Variants in NRXN3 observed in about 807,000 individuals in gnomAD.
NRXN3 encodes the protein neurexin III.
Under a neutral mutation model 137.6 loss-of-function variants are expected in NRXN3, and 32 were observed. The observed-to-expected ratio is 0.23, with a 90% CI of 0.18 to 0.31. NRXN3 has a LOEUF of 0.31. Ranked by LOEUF, NRXN3 falls within the 10% of genes least tolerant of loss-of-function variation. The pLI, the probability that NRXN3 is intolerant of heterozygous loss-of-function variation, is 1.00. For missense variants in NRXN3, 1,574 were observed against 2,062.5 expected, an observed-to-expected ratio of 0.76 and a Z score of 4.59; for synonymous variants, 798 against 784.5, an observed-to-expected ratio of 1.02 and a Z score of -0.29.
chr14:79,412,807 A>AG (rs1156627149), intron 15 of NRXN3, among the ~76,000 whole-genome samples: 1 of 142,566 alleles, frequency 7.0e-6, no homozygotes, highest in Admixed American at 7.1e-5. Context: ...AAAAAAAAAA[A>AG]GGCTGAGATC....
In NRXN3 at chr14:78,819,453, G is replaced by A. The variant is rs10131263; in HGVS notation, c.2275+9109G>A. ...TGTTAAATATTATAAGTAATTTAGAGATTAGAGTATAGGAGGATGTACATA... is the reference window on the plus strand; with the variant it reads ...TGTTAAATATTATAAGTAATTTAGAAATTAGAGTATAGGAGGATGTACATA... On this transcript the variant is annotated intron_variant, in intron 10 of 20. Coordinates refer to ENST00000335750, the MANE Select transcript of NRXN3 (RefSeq NM_001330195.2). Among the ~76,000 whole-genome samples the A allele has an allele frequency of 3.7e-3, 565 of 152,244 alleles. 5 individuals carry two copies. The highest frequency in any genetic ancestry group is 0.013 in the African/African-American group (542 of 41,558).
intron 4 of NRXN3, among the ~76,000 whole-genome samples, chr14:78,625,679 G>C (rs2097450936): frequency 6.6e-6 from 1 of 152,176 alleles, no homozygotes; most frequent in African/African-American, 2.4e-5. Context: ...CAGAGGTGTA[G>C]AAGAAATGAT....
At chr14:79,739,276 A>T (rs2098952367) in intron 19 of NRXN3, among the ~76,000 whole-genome samples, 1 of 152,198 alleles carries the variant, frequency 6.6e-6, no homozygotes, top group Non-Finnish European at 1.5e-5. Flanking sequence ...GAAGGACAAG[A>T]ATATAAAAGT....
rs186418628 is a variant in NRXN3, at chr14:79,446,931, G to A, written c.3263-20290G>A. On this transcript the variant is annotated intron_variant, in intron 15 of 20. Transcript: ENST00000335750. ...ACTGTAGACATTATGTTGTGCAGGA[G>A]ATCTCCATAACTTATTCATCTTGCA... is the stretch of plus-strand genomic sequence containing the variant. Among the ~76,000 whole-genome samples the A allele has an allele frequency of 7.0e-3, 1,068 of 152,258 alleles. 8 individuals carry two copies. Among genetic ancestry groups the A allele is most frequent in the Non-Finnish European group, 8.0e-3 (542 of 68,016 alleles).
intron 15 of NRXN3, among the ~76,000 whole-genome samples, chr14:79,117,855 A>G (rs1014160147): frequency 3.3e-5 from 5 of 152,236 alleles, no homozygotes; most frequent in African/African-American, 1.2e-4. Flanking sequence ...TGACAGAGAC[A>G]TGATCCCACC....
intron 4 of NRXN3, among the ~76,000 whole-genome samples, chr14:78,423,291 A>G (rs1317327897): frequency 1.3e-5 from 2 of 152,192 alleles, no homozygotes; most frequent in Non-Finnish European, 2.9e-5. Flanking sequence ...ATACATTCAG[A>G]CGCCAAAACT....
intron 15 of NRXN3, among the ~76,000 whole-genome samples, chr14:79,227,209 G>A (rs947871287): frequency 5.9e-5 from 9 of 152,164 alleles, no homozygotes; most frequent in South Asian, 2.1e-4. Flanking sequence ...TGAGCACTTC[G>A]TAGGTACCTG....
intron 10 of NRXN3, among the ~76,000 whole-genome samples, chr14:78,945,877 G>A (rs2099364156): frequency 6.6e-6 from 1 of 152,204 alleles, no homozygotes; most frequent in African/African-American, 2.4e-5. Context: ...TTGTGGCCAA[G>A]GGAAGAGAGC....
chr14:78,308,969 G>T (rs768791554), intron 4 of NRXN3, among the ~76,000 whole-genome samples: 13 of 152,098 alleles, frequency 8.5e-5, no homozygotes, highest in Non-Finnish European at 1.5e-4. Flanking sequence ...GATAATGTGA[G>T]TTTTGTGGTC....
At chr14:79,379,860 A>AT (rs200609909) in intron 15 of NRXN3, among the ~76,000 whole-genome samples, 5,165 of 146,196 alleles carry the variant, frequency 0.035, 260 homozygotes, top group East Asian at 0.15. Context: ...CTAGTCTTTC[A>AT]TTTTTTTTTT....
intron 16 of NRXN3, among the ~76,000 whole-genome samples, chr14:79,514,030 A>G (rs2096958187): frequency 1.3e-5 from 2 of 152,210 alleles, no homozygotes; most frequent in African/African-American, 2.4e-5. Flanking sequence ...TAGAAAATTA[A>G]TATACTACAT....
At chr14:78,535,940 C>T (rs1310766047) in intron 4 of NRXN3, among the ~76,000 whole-genome samples, 1 of 152,130 alleles carries the variant, frequency 6.6e-6, no homozygotes, top group East Asian at 1.9e-4. Flanking sequence ...TTATGATACT[C>T]CCAAGAGACT....
intron 15 of NRXN3, among the ~76,000 whole-genome samples, chr14:79,070,776 C>T (rs760221495): frequency 1.3e-5 from 2 of 152,124 alleles, no homozygotes; most frequent in Non-Finnish European, 2.9e-5. Flanking sequence ...ATTATAACTA[C>T]TACCACACAT....
At chr14:78,398,481 A>C (rs2091735119) in intron 4 of NRXN3, among the ~76,000 whole-genome samples, 1 of 152,072 alleles carries the variant, frequency 6.6e-6, no homozygotes, top group South Asian at 2.1e-4. Context: ...TTCAGGTAAA[A>C]GTCTAGGTTC....
chr14:78,482,666 C>T (rs1263569095), intron 4 of NRXN3, among the ~76,000 whole-genome samples: 2 of 152,212 alleles, frequency 1.3e-5, no homozygotes, highest in East Asian at 1.9e-4. Flanking sequence ...TATTTTTAGA[C>T]TTGTTACTTC....
intron 16 of NRXN3, among the ~76,000 whole-genome samples, chr14:79,528,371 A>T (rs766055370): frequency 1.1e-4 from 16 of 152,194 alleles, no homozygotes; most frequent in Non-Finnish European, 7.3e-5. Flanking sequence ...ACATACTTCA[A>T]TCTAATATTT....
At chr14:79,645,614 CA>C (rs558284799) in intron 16 of NRXN3, among the ~76,000 whole-genome samples, 37,368 of 89,472 alleles carry the variant, frequency 0.42, 9,225 homozygotes, top group Middle Eastern at 0.61. Context: ...GACTCTGTCT[CA>C]AAAAAAAAAA....
chr14:79,596,210 T>G (rs1195192569), intron 16 of NRXN3, among the ~76,000 whole-genome samples: 1 of 152,126 alleles, frequency 6.6e-6, no homozygotes, highest in Non-Finnish European at 1.5e-5. Flanking sequence ...GGTGAGCTGA[T>G]AGTTGAGAAA....
At chr14:78,202,432 G>A (rs1260010536) in intron 1 of NRXN3, among the ~76,000 whole-genome samples, 1 of 152,198 alleles carries the variant, frequency 6.6e-6, no homozygotes, top group Non-Finnish European at 1.5e-5. Context: ...TTTGTCAAGT[G>A]CTTGGACTTA....
Sources: allele counts gnomAD v4.1 joint callset (sites outside exome capture counted in the v4.1 genomes callset), GRCh38; gene constraint gnomAD v4.1.1; transcripts MANE v1.5; gene names NCBI Gene and HGNC (gene_info 2026-07-23, HGNC 2026-07-21).